Variants in ROBO2 observed in about 807,000 individuals in gnomAD.
ROBO2 encodes roundabout homolog 2.
In ROBO2, 53 loss-of-function variants were observed where a neutral mutation model predicts 160.8. The observed-to-expected ratio is 0.33, with a 90% CI of 0.26 to 0.41. The LOEUF (loss-of-function observed/expected upper bound fraction) is 0.41, where lower values mean the gene tolerates loss of function less well. ROBO2 is among the 10% of genes least tolerant of loss of function. The pLI is 1.00. For missense variants in ROBO2, 1,577 were observed against 1,722.4 expected (o/e 0.92, Z 1.49); for synonymous variants, 664 against 611.7 (o/e 1.09, Z -1.26).
chr3:76,087,331 G>T, intron 2 of ROBO2, among the ~76,000 whole-genome samples: 1 of 151,970 alleles, frequency 6.6e-6, no homozygotes, highest in Non-Finnish European at 1.5e-5. Flanking sequence ...CTTCCTTTCA[G>T]AAGCTATGCA....
At chr3:76,218,739 C>T (rs1703741561) in intron 2 of ROBO2, among the ~76,000 whole-genome samples, 1 of 152,058 alleles carries the variant, frequency 6.6e-6, no homozygotes, top group Non-Finnish European at 1.5e-5. Flanking sequence ...CCATACTGCC[C>T]AAGGTAATTT....
At chr3:76,025,799 C>G (rs2107683134) in intron 2 of ROBO2, among the ~76,000 whole-genome samples, 1 of 151,892 alleles carries the variant, frequency 6.6e-6, no homozygotes, top group South Asian at 2.1e-4. Flanking sequence ...TCACAAGAAT[C>G]TCAAGGAAGT....
At chr3:77,602,685 A>G (rs1345104907) in intron 20 of ROBO2, among the ~76,000 whole-genome samples, 194 bp downstream of exon 21, 1 of 92,820 alleles carries the variant, frequency 1.1e-5, no homozygotes, top group East Asian at 3.1e-4. Flanking sequence ...CACCACCACC[A>G]CCACCGCCGC....
intron 2 of ROBO2, among the ~76,000 whole-genome samples, chr3:75,971,659 A>T (rs541202350): frequency 1.3e-5 from 2 of 151,650 alleles, no homozygotes; most frequent in South Asian, 4.1e-4. Flanking sequence ...ACAAATTCTA[A>T]TAAATTCTAT....
chr3:77,285,113 A>T (rs1020129817), intron 2 of ROBO2, among the ~76,000 whole-genome samples: 7 of 152,144 alleles, frequency 4.6e-5, no homozygotes, highest in Admixed American at 3.3e-4. Context: ...GATAGAAAAG[A>T]GAATCAGTTA....
At chr3:76,144,270 TAGAG>T (rs1198293200) in intron 2 of ROBO2, among the ~76,000 whole-genome samples, 1 of 151,944 alleles carries the variant, frequency 6.6e-6, no homozygotes, top group Non-Finnish European at 1.5e-5. Flanking sequence ...AAATAGAAAG[TAGAG>T]GGAGGAATGT....
chr3:76,203,802 G>T (rs1216336011), intron 2 of ROBO2, among the ~76,000 whole-genome samples: 1 of 151,950 alleles, frequency 6.6e-6, no homozygotes, highest in African/African-American at 2.4e-5. Context: ...ACAGGTCAGG[G>T]TTCTAGTAAT....
At chr3:77,178,205 A>C (rs1409759453) in intron 2 of ROBO2, among the ~76,000 whole-genome samples, 1 of 152,070 alleles carries the variant, frequency 6.6e-6, no homozygotes, top group African/African-American at 2.4e-5. Flanking sequence ...ACAATGGAGA[A>C]GAGCAATGTG....
intron 2 of ROBO2, among the ~76,000 whole-genome samples, chr3:76,903,752 G>A (rs2075393353): frequency 1.3e-5 from 2 of 152,072 alleles, no homozygotes; most frequent in South Asian, 2.1e-4. Flanking sequence ...CTTGTGTAAC[G>A]ATAGGCACAG....
intron 2 of ROBO2, among the ~76,000 whole-genome samples, chr3:77,285,175 G>T (rs1448455590): frequency 6.6e-6 from 1 of 152,176 alleles, no homozygotes; most frequent in African/African-American, 2.4e-5. Context: ...GAGATTGTAG[G>T]AGGCAGGTGA....
At chr3:77,466,911 T>A (rs2082822455) in intron 2 of ROBO2, among the ~76,000 whole-genome samples, 2 of 152,168 alleles carry the variant, frequency 1.3e-5, no homozygotes, top group South Asian at 4.1e-4. Context: ...ATCATGCACA[T>A]CAGAATACAC....
chr3:76,052,757 A>G (rs1419778050), intron 2 of ROBO2, among the ~76,000 whole-genome samples: 1 of 151,968 alleles, frequency 6.6e-6, no homozygotes, highest in Non-Finnish European at 1.5e-5. Context: ...TAACATTCAT[A>G]TCTTCAAATC....
chr3:76,127,799 T>G (rs1357405463), intron 2 of ROBO2, among the ~76,000 whole-genome samples: 1 of 151,722 alleles, frequency 6.6e-6, no homozygotes, highest in Non-Finnish European at 1.5e-5. Context: ...AAACCTGTTT[T>G]ACAAAATATC....
intron 6 of ROBO2, among the ~76,000 whole-genome samples, chr3:77,525,246 T>C (rs2091021807): frequency 6.6e-6 from 1 of 150,648 alleles, no homozygotes; most frequent in Non-Finnish European, 1.5e-5. Context: ...CTGTTTTTTT[T>C]TTTTTTTTTC....
intron 2 of ROBO2, among the ~76,000 whole-genome samples, chr3:76,931,041 C>G (rs2077306992): frequency 6.6e-6 from 1 of 152,136 alleles, no homozygotes; most frequent in Non-Finnish European, 1.5e-5. Context: ...GAATTTTCAT[C>G]TCTGTTTTCA....
chr3:77,480,767 A>G (rs533391808), intron 3 of ROBO2, among the ~76,000 whole-genome samples: 318 of 152,236 alleles, frequency 2.1e-3, no homozygotes, highest in Middle Eastern at 3.4e-3. Flanking sequence ...TTTCTTTCTG[A>G]TGACAAATGA....
At chr3:76,803,420 G>A (rs1560590381) in intron 2 of ROBO2, among the ~76,000 whole-genome samples, 3 of 144,276 alleles carry the variant, frequency 2.1e-5, no homozygotes, top group African/African-American at 7.6e-5. Flanking sequence ...AGGAGGAGGA[G>A]GATACAAAAG....
At chr3:77,095,828 G>A (rs747634374) in intron 1 of ROBO2, among the ~76,000 whole-genome samples, 11 of 151,608 alleles carry the variant, frequency 7.3e-5, no homozygotes, top group Non-Finnish European at 1.6e-4. Flanking sequence ...ATTCCTCATT[G>A]CTTTAAGACC....
chr3:76,207,132 C>A (rs1033991424), intron 2 of ROBO2, among the ~76,000 whole-genome samples: 3 of 152,078 alleles, frequency 2.0e-5, no homozygotes, highest in African/African-American at 7.2e-5. Flanking sequence ...AGGCTTTAAA[C>A]CAGTTTTATT....
Sources: gnomAD v4.1 joint callset for allele counts (sites outside exome capture counted in the v4.1 genomes callset) on GRCh38, gnomAD v4.1.1 for gene constraint, MANE v1.5 for transcripts, NCBI Gene and HGNC (gene_info 2026-07-23, HGNC 2026-07-21) for gene names.